TICRR: variants seen among roughly 807,000 people sequenced by gnomAD.
TICRR encodes TOPBP1 interacting checkpoint and replication regulator.
TICRR carries 132 observed loss-of-function variants against 178.1 expected under a neutral mutation model. That is an observed-to-expected ratio of 0.74 (90% CI 0.64 to 0.86). The LOEUF is 0.86. TICRR is among the 40% of genes least tolerant of loss of function. The pLI is 0.00. For synonymous variants in TICRR, 991 were observed against 900.7 expected, an observed-to-expected ratio of 1.10 and a Z score of -1.79; for missense variants, 2,587 against 2,334.3, an observed-to-expected ratio of 1.11 and a Z score of -2.23.
intron 1 of TICRR, among the ~76,000 whole-genome samples, chr15:89,576,884 CATTT>C (rs1377279199): frequency 9.2e-5 from 13 of 141,866 alleles, no homozygotes; most frequent in Admixed American, 2.8e-4. Flanking sequence ...TATATATACA[CATTT>C]ATTTATATAC....
At position 89,582,669 on chromosome 15, in the gene TICRR, T is replaced by C; in HGVS notation, c.655-17T>C. 1 of 1,608,660 alleles carries C rather than the reference T, an allele frequency of 6.2e-7. No homozygotes were observed. The highest frequency in any genetic ancestry group is 8.5e-7 in the Non-Finnish European group (1 of 1,176,118). On this transcript the variant is annotated splice_polypyrimidine_tract_variant and intron_variant, in intron 1 of 21. Transcript: ENST00000268138. ...CTAATTTATAGTAACCTAAGGTTGT[T>C]TGTCGTTTTATTTTAGTTGTGGGAA...
Position 89,602,085 on chromosome 15 carries a change from T to C in TICRR, c.2567+109T>C, listed in dbSNP as rs529325555. 9 of 1,341,444 alleles carry C rather than the reference T, an allele frequency of 6.7e-6. No individual in the cohort carries two copies. In the African/African-American group the frequency reaches 1.3e-4, roughly 20 times the overall value. The allele number at this position is 1,341,444 out of a possible 1,614,324, so 83.1% of individuals were successfully genotyped here. A position where few individuals can be genotyped will look rare whatever the true frequency, so the allele number is the denominator to read the frequency against. ...TTGTCCATATAATTTGTTGAACTAATAGCTGCCCTTATGTCTGAATCAGAG... is the reference window on the plus strand; with the variant it reads ...TTGTCCATATAATTTGTTGAACTAACAGCTGCCCTTATGTCTGAATCAGAG... On this transcript the variant is annotated intron_variant, in intron 12 of 21. Coordinates refer to ENST00000268138, the MANE Select transcript of TICRR (RefSeq NM_152259.4).
chr15:89,626,053 A>G lies in TICRR; in HGVS notation c.5594A>G (p.Asp1865Gly), dbSNP rs1963519068. The G allele has an allele frequency of 6.2e-7, 1 of 1,613,732 alleles. No individual in the cohort carries two copies. Among genetic ancestry groups the G allele is most frequent in the Non-Finnish European group, 8.5e-7 (1 of 1,179,854 alleles). The stretch of plus-strand genomic sequence containing the variant: ...AAAACACCTTCCTCTCAGAGCAAAG[A>G]CCCCAGAGGTAATGTTTGTTGAAGG... ...QGKTPSSQSKDPRDEDVDVLP... is the reference protein window; with the variant it reads ...QGKTPSSQSKGPRDEDVDVLP... Residue 1865 changes from aspartate to glycine, a missense_variant, in exon 21 of 22, where the codon GAC becomes GGC. By Grantham distance (94) the Asp-to-Gly change is moderately conservative. Transcript: ENST00000268138.
intron 4 of TICRR, among the ~76,000 whole-genome samples, chr15:89,586,351 C>T (rs1200056677): frequency 2.7e-5 from 4 of 149,790 alleles, no homozygotes; most frequent in African/African-American, 5.0e-5. Flanking sequence ...TTTAAATATA[C>T]GTATACATAT....
chr15:89,579,502 C>T (rs764342846), intron 1 of TICRR, among the ~76,000 whole-genome samples: 2 of 151,980 alleles, frequency 1.3e-5, no homozygotes, highest in East Asian at 1.9e-4. Flanking sequence ...CTTGCCACCA[C>T]GCCTGGCTAA....
Position 89,602,876 on chromosome 15 carries a change from A to G in TICRR, c.2648A>G (p.Lys883Arg). 6.5e-7 allele frequency: 1 copy of G among 1,527,368 alleles called. No individual in the cohort carries two copies. Among genetic ancestry groups the G allele is most frequent in the Non-Finnish European group, 8.8e-7 (1 of 1,137,440 alleles). 94.6% of individuals were successfully genotyped at this position (1,527,368 alleles called of 1,614,324 possible). The change falls in exon 13 of 22, where the codon AAG becomes AGG. Residue 883 changes from lysine (K) to arginine (R), a missense_variant. Lys to Arg is a conservative substitution (Grantham distance 26). Coordinates refer to ENST00000268138, the MANE Select transcript of TICRR (RefSeq NM_152259.4). Reference sequence around the variant, plus strand: ...CAAATTGAAATTCCTAAAGTGTCAAAGAGAGCTACGAAAAAAGTAAGTAAA... The same window carrying G: ...CAAATTGAAATTCCTAAAGTGTCAAGGAGAGCTACGAAAAAAGTAAGTAAA... ...LRQIEIPKVS[K>R]RATKKENSHP...
intron 4 of TICRR, chr15:89,591,382 C>G (rs1393015264): frequency 4.6e-5 from 7 of 152,160 alleles, no homozygotes; most frequent in Admixed American, 4.6e-4. Context: ...CCTCGGCCTC[C>G]CAAAATGCTG....
chr15:89,585,629 T>A lies in TICRR; in HGVS notation c.1177-79T>A, dbSNP rs899450456. The A allele has an allele frequency of 2.3e-5, 22 of 963,782 alleles. No homozygotes were observed. In the East Asian group the frequency reaches 5.6e-4, roughly 25 times the overall value. The allele number at this position is 963,782 out of a possible 1,614,324, so 59.7% of individuals were successfully genotyped here. ...TTAATAATAATTGGGAAAATGGTTATTCTGTCTTTTAGTACACTACATTCT... is the reference window on the plus strand; with the variant it reads ...TTAATAATAATTGGGAAAATGGTTAATCTGTCTTTTAGTACACTACATTCT... On this transcript the variant is annotated intron_variant, in intron 3 of 21. Transcript: ENST00000268138.
chr15:89,594,047 T>G (rs1436388812), intron 5 of TICRR, among the ~76,000 whole-genome samples: 1 of 152,186 alleles, frequency 6.6e-6, no homozygotes, highest in Non-Finnish European at 1.5e-5. Flanking sequence ...CTTACTACAA[T>G]GTGTTAACAT....
chr15:89,624,160 C>G lies in TICRR; in HGVS notation c.3850C>G (p.Leu1284Val), dbSNP rs1963471315. The change falls in exon 20 of 22, where the codon CTA becomes GTA. Residue 1284 changes from leucine to valine, a missense_variant. By Grantham distance (32) the Leu-to-Val change is conservative. Transcript: ENST00000268138. ...TCGGGCAGAGGAACCAGCCCAGAAA[C>G]TAAAGGATAAAGCTATCAAAACTCC... ...AARAEEPAQK[L>V]KDKAIKTPKR... is the part of the protein sequence containing the mutation. 1 of 1,613,944 alleles carries G rather than the reference C, an allele frequency of 6.2e-7. No homozygotes were observed. The highest frequency in any genetic ancestry group is 1.7e-5 in the Admixed American group (1 of 59,990).
Position 89,601,359 on chromosome 15 carries a change from A to C in TICRR, c.2215A>C (p.Ser739Arg), listed in dbSNP as rs1286941627. 6.2e-7 allele frequency: 1 copy of C among 1,614,186 alleles called. No individual in the cohort carries two copies. Among genetic ancestry groups the C allele is most frequent in the Admixed American group, 1.7e-5 (1 of 60,026 alleles). ...TCTGCAATGCCCTTCAATAAATGAA[A>C]GTACAGATGATATGGAACAAGTAGT... ...MCLQCPSINE[S>R]TDDMEQVVEE... is the part of the protein sequence containing the mutation. The change falls in exon 10 of 22, where the codon AGT becomes CGT. Residue 739 changes from serine to arginine, a missense_variant. By Grantham distance (110) the Ser-to-Arg change is moderately radical. Transcript: ENST00000268138.
intron 12 of TICRR, among the ~76,000 whole-genome samples, chr15:89,602,526 T>C (rs1297913416): frequency 6.6e-6 from 1 of 152,152 alleles, no homozygotes; most frequent in Non-Finnish European, 1.5e-5. Context: ...ACTGTCCACA[T>C]GAGGTCTCCA....
chr15:89,600,233 C>G (rs533932044), intron 8 of TICRR, among the ~76,000 whole-genome samples: 1 of 152,188 alleles, frequency 6.6e-6, no homozygotes, highest in African/African-American at 2.4e-5. Context: ...TGTTTTAGAC[C>G]GTGTTGTTGT....
rs529841910 is a variant in TICRR at position 89,619,860 on chromosome 15, C to G, written c.3154+18C>G. On this transcript the variant is annotated intron_variant, in intron 18 of 21. Coordinates refer to ENST00000268138, the MANE Select transcript of TICRR (RefSeq NM_152259.4). Reference sequence around the variant, plus strand: ...TAAGTCAGGTAACATACGGGCCCCTCTGCCTTCACAAGTCCGTGCTGACTT... The same window carrying G: ...TAAGTCAGGTAACATACGGGCCCCTGTGCCTTCACAAGTCCGTGCTGACTT... 11 of 1,597,116 alleles carry G rather than the reference C, an allele frequency of 6.9e-6. No homozygotes were observed. In the South Asian group the frequency reaches 1.1e-4, roughly 17 times the overall value.
At position 89,627,355 on chromosome 15, in the gene TICRR, A is replaced by G; in HGVS notation, c.*269A>G. The G allele has an allele frequency of 2.4e-6, 1 of 417,484 alleles. No homozygotes were observed. Among genetic ancestry groups the G allele is most frequent in the East Asian group, 4.0e-5 (1 of 25,036 alleles). 25.9% of individuals were successfully genotyped at this position (417,484 alleles called of 1,614,324 possible). A position where few individuals can be genotyped will look rare whatever the true frequency, so the allele number is the denominator to read the frequency against. On this transcript the variant is annotated 3_prime_UTR_variant, in exon 22 of 22. Coordinates refer to ENST00000268138, the MANE Select transcript of TICRR (RefSeq NM_152259.4). ...TGGGAGTCAGGAACCCAGACAAGGA[A>G]TCCCATTCCAGCCTCACCCCAACCA...
chr15:89,616,882 T>G (rs1248913662), intron 16 of TICRR, among the ~76,000 whole-genome samples: 2 of 152,224 alleles, frequency 1.3e-5, no homozygotes, highest in African/African-American at 2.4e-5. Context: ...TCTGCAGCGA[T>G]TGGTTGGAGT....
intron 1 of TICRR, among the ~76,000 whole-genome samples, chr15:89,581,100 A>G (rs1363801226): frequency 6.6e-6 from 1 of 152,224 alleles, no homozygotes; most frequent in Non-Finnish European, 1.5e-5. Context: ...CTTGTCTATC[A>G]TTGCCTTGCT....
intron 15 of TICRR, among the ~76,000 whole-genome samples, chr15:89,614,590 C>G (rs1187281345): frequency 6.6e-6 from 1 of 152,210 alleles, no homozygotes; most frequent in Non-Finnish European, 1.5e-5. Context: ...CTCAGCCTCC[C>G]AAAGTGCTGG....
chr15:89,614,702 T>C (rs979710681), intron 15 of TICRR, among the ~76,000 whole-genome samples: 6 of 152,130 alleles, frequency 3.9e-5, no homozygotes, highest in Non-Finnish European at 7.4e-5. Context: ...GGATTTGTTA[T>C]TGTTTTTGTT....
Sources: gnomAD v4.1 joint callset for allele counts (sites outside exome capture counted in the v4.1 genomes callset) on GRCh38, gnomAD v4.1.1 for gene constraint, MANE v1.5 for transcripts, NCBI Gene and HGNC (gene_info 2026-07-23, HGNC 2026-07-21) for gene names.